Variants in PTGER3 observed in about 807,000 individuals in gnomAD.
PTGER3 encodes the protein prostaglandin E receptor 3.
Under a neutral mutation model 34.7 loss-of-function variants are expected in PTGER3, and 22 were observed. The ratio of observed to expected loss-of-function variants is 0.63; its 90% CI spans 0.45 to 0.91. The LOEUF is 0.91. PTGER3 is among the 40% of genes least tolerant of loss of function. The probability of loss-of-function intolerance (pLI) is 0.00; values close to 1 mark genes in which losing one functional copy is unlikely to be tolerated. For missense variants in PTGER3, 468 were observed against 519.4 expected (o/e 0.90, Z 0.96); for synonymous variants, 241 against 230.1 (o/e 1.05, Z -0.43).
In PTGER3 at chr1:70,971,441, CTTTCT is replaced by C; in HGVS notation, c.*284_*288del. 1.8e-6 allele frequency: 2 copies of C among 1,117,046 alleles called. No individual in the cohort carries two copies. Among genetic ancestry groups the C allele is most frequent in the Non-Finnish European group, 2.2e-6 (2 of 913,982 alleles). 69.2% of individuals were successfully genotyped at this position (1,117,046 alleles called of 1,614,324 possible). A position where few individuals can be genotyped will look rare whatever the true frequency, so the allele number is the denominator to read the frequency against. On this transcript the variant is annotated 3_prime_UTR_variant, in exon 4 of 4. Transcript: ENST00000306666. Reference sequence around the variant, plus strand: ...TGGAGAAAACTCCTGGAACACAGGTCTTTCTTTTCATCACTTTTCCTCCAATCATC... The same window carrying C: ...TGGAGAAAACTCCTGGAACACAGGTCTTTCATCACTTTTCCTCCAATCATC...
chr1:70,873,888 A>G (rs1181738656), intron 4 of PTGER3, among the ~76,000 whole-genome samples: 2 of 152,004 alleles, frequency 1.3e-5, no homozygotes, highest in Non-Finnish European at 2.9e-5. Flanking sequence ...TTAAAATACT[A>G]TGTATTATTA....
chr1:71,033,548 C>T (rs1031564411), intron 1 of PTGER3, among the ~76,000 whole-genome samples: 1 of 152,232 alleles, frequency 6.6e-6, no homozygotes, highest in Non-Finnish European at 1.5e-5. Flanking sequence ...ATGAAACTAG[C>T]CTAATTCACT....
intron 1 of PTGER3, among the ~76,000 whole-genome samples, chr1:71,022,507 A>G (rs956345258): frequency 6.6e-6 from 1 of 151,946 alleles, no homozygotes; most frequent in Non-Finnish European, 1.5e-5. Flanking sequence ...GATATGATAC[A>G]TTCTTATTAA....
chr1:70,956,972 GTGACAGAACAAGACTC>G (rs1283694981), intron 2 of PTGER3, among the ~76,000 whole-genome samples: 2 of 152,158 alleles, frequency 1.3e-5, no homozygotes, highest in African/African-American at 4.8e-5. Flanking sequence ...TCCAGCCTAG[GTGACAGAACAAGACTC>G]TGTCTTAATA....
At chr1:70,944,200 G>T (rs1350240666) in intron 4 of PTGER3, among the ~76,000 whole-genome samples, 1 of 152,038 alleles carries the variant, frequency 6.6e-6, no homozygotes, top group Non-Finnish European at 1.5e-5. Context: ...GCTCATTAGG[G>T]TCAAGCCTAG....
At position 71,008,558 on chromosome 1, in the gene PTGER3, G is replaced by A. The variant is rs55819706; in HGVS notation, c.1077+3747C>T. 2,952 of 972,550 alleles carry A rather than the reference G, an allele frequency of 3.0e-3. 79 individuals are homozygous for A. The African/African-American group carries it at 0.048, about 16-fold the overall frequency. 60.2% of individuals were successfully genotyped at this position (972,550 alleles called of 1,614,324 possible). ...AGCTTCTTAACAAATATGTATGTGA[G>A]TTTAGGTTGGTTATTAAATTTTGTA... On this transcript the variant is annotated intron_variant, in intron 2 of 3. Transcript: ENST00000306666.
chr1:70,907,443 A>G (rs1157504002), intron 4 of PTGER3, among the ~76,000 whole-genome samples: 2 of 152,254 alleles, frequency 1.3e-5, no homozygotes, highest in Non-Finnish European at 2.9e-5. Context: ...TGCGAAAGCC[A>G]GAAGCCTTCA....
At chr1:70,935,443 T>C (rs1649118905) in intron 4 of PTGER3, among the ~76,000 whole-genome samples, 1 of 152,156 alleles carries the variant, frequency 6.6e-6, no homozygotes, top group South Asian at 2.1e-4. Flanking sequence ...GTTTTAGCCA[T>C]GAATAGAAGC....
At chr1:71,010,770 T>G in intron 2 of PTGER3, 1 of 985,290 alleles carries the variant, frequency 1.0e-6, no homozygotes, top group Admixed American at 6.2e-5. Flanking sequence ...CAACAGATTT[T>G]GTCTCCAAAT....
At chr1:70,989,292 G>A (rs764276312) in intron 2 of PTGER3, among the ~76,000 whole-genome samples, 15 of 152,172 alleles carry the variant, frequency 9.9e-5, no homozygotes, top group Non-Finnish European at 2.1e-4. Context: ...ACGCAGGGAA[G>A]TTGGGATAAT....
At chr1:71,003,258 G>A (rs918383690) in intron 2 of PTGER3, among the ~76,000 whole-genome samples, 7 of 152,170 alleles carry the variant, frequency 4.6e-5, no homozygotes, top group African/African-American at 7.2e-5. Context: ...CCTGCCACTT[G>A]CACTCTGAAT....
intron 4 of PTGER3, among the ~76,000 whole-genome samples, chr1:70,864,026 T>C (rs113250652): frequency 0.012 from 1,798 of 152,236 alleles, 39 homozygotes; most frequent in African/African-American, 0.04. Flanking sequence ...GATCATTCTT[T>C]ACAGAAATCG....
At position 71,047,794 on chromosome 1, in the gene PTGER3, T is replaced by A; in HGVS notation, c.-217A>T. ...CGGGAGGGAGCCACGCCTTCCTCTC[T>A]GGGAAACCTCTGGTGGCGAGGCGCG... On this transcript the variant is annotated 5_prime_UTR_variant, in exon 1 of 4. Coordinates refer to ENST00000306666, the MANE Select transcript of PTGER3 (RefSeq NM_198719.2). 2.4e-6 allele frequency: 1 copy of A among 408,600 alleles called. No homozygotes were observed. Among genetic ancestry groups the A allele is most frequent in the Non-Finnish European group, 4.0e-6 (1 of 248,380 alleles). The allele number at this position is 408,600 out of a possible 1,614,324, so 25.3% of individuals were successfully genotyped here.
intron 4 of PTGER3, among the ~76,000 whole-genome samples, chr1:70,933,656 C>T (rs1339680755): frequency 3.3e-5 from 5 of 152,102 alleles, no homozygotes; most frequent in Non-Finnish European, 7.4e-5. Flanking sequence ...AAGCAGAAGA[C>T]CCTTTTCTTT....
At chr1:70,865,347 G>A (rs945010738) in intron 4 of PTGER3, among the ~76,000 whole-genome samples, 9 of 152,216 alleles carry the variant, frequency 5.9e-5, no homozygotes, top group African/African-American at 1.9e-4. Context: ...AGTGAGGAAG[G>A]ATAGGTTTAG....
At chr1:71,013,031 A>C (rs996133601) in intron 1 of PTGER3, among the ~76,000 whole-genome samples, 2 of 152,146 alleles carry the variant, frequency 1.3e-5, no homozygotes, top group African/African-American at 4.8e-5. Context: ...ACAGCATAAC[A>C]CAGGTAGTAT....
At chr1:70,875,612 C>T (rs1338634234) in intron 4 of PTGER3, among the ~76,000 whole-genome samples, 4 of 152,114 alleles carry the variant, frequency 2.6e-5, no homozygotes, top group African/African-American at 9.7e-5. Flanking sequence ...TTTCAAATCT[C>T]TCCTTCCTCC....
intron 4 of PTGER3, among the ~76,000 whole-genome samples, chr1:70,906,024 A>G (rs1219246094): frequency 7.6e-6 from 1 of 131,996 alleles, no homozygotes; most frequent in Non-Finnish European, 1.6e-5. Context: ...GATGAATCTC[A>G]TAGGATCTGA....
intron 2 of PTGER3, among the ~76,000 whole-genome samples, chr1:70,983,740 A>C (rs1654623231): frequency 6.8e-6 from 1 of 147,896 alleles, no homozygotes; most frequent in South Asian, 2.1e-4. Context: ...TAAAATAAGC[A>C]AAAGGAAGAA....
Sources: allele counts gnomAD v4.1 joint callset (sites outside exome capture counted in the v4.1 genomes callset), GRCh38; gene constraint gnomAD v4.1.1; transcripts MANE v1.5; gene names NCBI Gene and HGNC (gene_info 2026-07-23, HGNC 2026-07-21).